The following EIF4G3 variants were observed in gnomAD, a reference collection of about 807,000 sequenced individuals.
EIF4G3 encodes eIF-4-gamma 3.
A neutral mutation model predicts 186.4 loss-of-function variants in EIF4G3; 34 were observed. That is an observed-to-expected ratio of 0.18 (90% CI 0.14 to 0.24). The LOEUF is 0.24. Ranked by LOEUF, EIF4G3 falls within the 10% of genes least tolerant of loss-of-function variation. The probability of loss-of-function intolerance (pLI) is 1.00; values close to 1 mark genes in which losing one functional copy is unlikely to be tolerated. For missense variants in EIF4G3, 1,536 were observed against 1,948.5 expected (o/e 0.79, Z 3.99); for synonymous variants, 673 against 679.5 (o/e 0.99, Z 0.15).
chr1:20,861,511 A>G (rs180704401), intron 23 of EIF4G3, among the ~76,000 whole-genome samples: 2 of 152,374 alleles, frequency 1.3e-5, no homozygotes, highest in Admixed American at 1.3e-4. Flanking sequence ...TGACTCTTCA[A>G]CAAATCTGCA....
intron 4 of EIF4G3, among the ~76,000 whole-genome samples, chr1:21,042,701 A>G (rs2093652907): frequency 6.6e-6 from 1 of 152,230 alleles, no homozygotes; most frequent in Non-Finnish European, 1.5e-5. Flanking sequence ...ATACATGTCT[A>G]CTATGGTACT....
intron 13 of EIF4G3, among the ~76,000 whole-genome samples, chr1:20,945,555 T>C (rs1339676203): frequency 6.6e-6 from 1 of 152,192 alleles, no homozygotes; most frequent in Non-Finnish European, 1.5e-5. Flanking sequence ...GACCTCCACC[T>C]CCCAGGCTCA....
rs542711618 is a variant in EIF4G3 at position 20,964,404 on chromosome 1, G to A, written c.714+5070C>T. ...TACAGGGATCCAATGTGTATATACA[G>A]GGAACATGTATATACACATATGCAT... is the stretch of plus-strand genomic sequence containing the variant. On this transcript the variant is annotated intron_variant, in intron 12 of 36. Coordinates refer to ENST00000602326, the MANE Select transcript of EIF4G3 (RefSeq NM_001391906.1). Among the ~76,000 whole-genome samples the A allele has an allele frequency of 3.9e-5, 6 of 152,212 alleles. No individual in the cohort carries two copies. The South Asian group carries it at 1.2e-3, about 32-fold the overall frequency.
At chr1:20,918,373 C>T (rs1335267516) in intron 14 of EIF4G3, among the ~76,000 whole-genome samples, 1 of 152,082 alleles carries the variant, frequency 6.6e-6, no homozygotes, top group East Asian at 1.9e-4. Context: ...GCACACTTTG[C>T]TAATTTTTGT....
At chr1:20,923,068 A>ATCT (rs1355308130) in intron 14 of EIF4G3, among the ~76,000 whole-genome samples, 1 of 152,176 alleles carries the variant, frequency 6.6e-6, no homozygotes, top group East Asian at 1.9e-4. Context: ...GCTAGAACTG[A>ATCT]AACACAGATC....
chr1:20,955,238 GT>G (rs11449027), intron 12 of EIF4G3, among the ~76,000 whole-genome samples: 5 of 148,462 alleles, frequency 3.4e-5, no homozygotes, highest in Admixed American at 6.7e-5. Context: ...TTATTTTTTA[GT>G]TTTTTTTTTT....
intron 4 of EIF4G3, among the ~76,000 whole-genome samples, chr1:21,027,351 C>T (rs944217585): frequency 2.0e-5 from 3 of 151,642 alleles, no homozygotes; most frequent in Non-Finnish European, 4.4e-5. Context: ...TGCCACCATG[C>T]TCAGCACAGT....
At chr1:20,854,453 G>C (rs1180730698) in intron 26 of EIF4G3, among the ~76,000 whole-genome samples, 1 of 151,644 alleles carries the variant, frequency 6.6e-6, no homozygotes, top group East Asian at 1.9e-4. Context: ...CCAGCACGCA[G>C]GAGGCCAAGG....
chr1:20,856,978 C>T (rs915562899), intron 25 of EIF4G3, among the ~76,000 whole-genome samples: 5 of 151,618 alleles, frequency 3.3e-5, no homozygotes, highest in Non-Finnish European at 7.4e-5. Context: ...CTGGCTAACA[C>T]GGTGAAACCC....
intron 2 of EIF4G3, among the ~76,000 whole-genome samples, chr1:21,094,565 G>A (rs2101565084): frequency 7.0e-6 from 1 of 143,042 alleles, no homozygotes; most frequent in Non-Finnish European, 1.5e-5. Context: ...GGTGGGAACT[G>A]AACAATGAGA....
rs370026594 is a variant in EIF4G3, at chr1:20,807,525, T to C, written c.4745-25A>G. 18 of 1,565,192 alleles carry C rather than the reference T, an allele frequency of 1.2e-5. No homozygotes were observed. In the African/African-American group the frequency reaches 2.3e-4, roughly 20 times the overall value. ...TCTGCAAGGAGGTGAAAATAAACTATAAGCTTTGGGACACTGTAGTTATGA... is the reference window on the plus strand; with the variant it reads ...TCTGCAAGGAGGTGAAAATAAACTACAAGCTTTGGGACACTGTAGTTATGA... On this transcript the variant is annotated intron_variant, in intron 36 of 36. Transcript: ENST00000602326.
At position 21,176,231 on chromosome 1, in the gene EIF4G3, T is replaced by TGCCGCCGCCGCC. The variant is rs34197724; in HGVS notation, c.-340_-329dup. On this transcript the variant is annotated 5_prime_UTR_variant, in exon 2 of 37. Transcript: ENST00000602326. ...TGTTCGGGTGAGGAGGGGGGACCGC[T>TGCCGCCGCCGCC]GCCGCCGCCGCCGCCGCCGCCGCCG... is the stretch of plus-strand genomic sequence containing the variant. 1.2e-3 allele frequency: 417 copies of TGCCGCCGCCGCC among 346,318 alleles called. 5 individuals carry two copies. The highest frequency in any genetic ancestry group is 3.2e-3 in the African/African-American group (139 of 43,842). The allele number at this position is 346,318 out of a possible 1,614,324, so 21.5% of individuals were successfully genotyped here.
At chr1:20,940,618 C>T (rs2095677219) in intron 14 of EIF4G3, among the ~76,000 whole-genome samples, 2 of 152,140 alleles carry the variant, frequency 1.3e-5, no homozygotes, top group South Asian at 4.1e-4. Flanking sequence ...TATCAAAAAG[C>T]CCAATTTACA....
intron 29 of EIF4G3, among the ~76,000 whole-genome samples, chr1:20,844,633 T>C (rs2070054795): frequency 4.6e-5 from 7 of 151,964 alleles, no homozygotes; most frequent in Admixed American, 4.6e-4. Flanking sequence ...GAGTTTGAGA[T>C]CAACCTGGCC....
chr1:20,845,437 C>T (rs550523038), intron 29 of EIF4G3, among the ~76,000 whole-genome samples: 9 of 152,144 alleles, frequency 5.9e-5, no homozygotes, highest in East Asian at 5.8e-4. Context: ...CCAAGGAGGG[C>T]GGATCACAAG....
At position 20,969,505 on chromosome 1, in the gene EIF4G3, C is replaced by G; in HGVS notation, c.683G>C (p.Gly228Ala). 1 of 1,613,904 alleles carries G rather than the reference C, an allele frequency of 6.2e-7. No individual in the cohort carries two copies. Among genetic ancestry groups the G allele is most frequent in the Non-Finnish European group, 8.5e-7 (1 of 1,179,872 alleles). ...AGGAGTAGGTGTGGACGTGGGTCTT[C>G]CTATGGGTGGAGTAGGATTTCTGCT... ...GGSRNPTPPI[G>A]RPTSTPTPPQ... is the part of the protein sequence containing the mutation. Residue 228 changes from glycine to alanine, a missense_variant, in exon 12 of 37, where the codon GGA becomes GCA. Around this residue, in one of 11 missense-constraint regions of EIF4G3, gnomAD observed 560 missense variants for 547.8 expected, o/e 1.02. Coordinates refer to ENST00000602326, the MANE Select transcript of EIF4G3 (RefSeq NM_001391906.1).
chr1:20,853,733 A>C, intron 26 of EIF4G3, 56 bp from the exon 27 acceptor site: 1 of 1,343,528 alleles, frequency 7.4e-7, no homozygotes, highest in Non-Finnish European at 1.1e-6. Context: ...AAATGCAAAT[A>C]ATCAGTCATC....
rs1050365561 is a variant in EIF4G3, at chr1:21,079,548, A to G, written c.-196+9590T>C. On this transcript the variant is annotated intron_variant, in intron 3 of 36. Transcript: ENST00000602326. ...AATGCTTTTTAATTAGCCAGGAGTC[A>G]TGATGTACATCTGTAGTCCTGGCTA... Among the ~76,000 whole-genome samples, 6 of 150,340 alleles carry G rather than the reference A, an allele frequency of 4.0e-5. No individual in the cohort carries two copies. The Admixed American group carries it at 4.0e-4, about 10-fold the overall frequency.
At chr1:20,846,998 A>T (rs768944670) in intron 29 of EIF4G3, among the ~76,000 whole-genome samples, 8 of 152,238 alleles carry the variant, frequency 5.3e-5, no homozygotes, top group Non-Finnish European at 1.2e-4. Flanking sequence ...TATTTTTAAG[A>T]TCAGCTCTTT....
Sources: allele counts gnomAD v4.1 joint callset (sites outside exome capture counted in the v4.1 genomes callset), GRCh38; gene constraint gnomAD v4.1.1; regional missense constraint gnomAD v4.1.1; transcripts MANE v1.5; gene names NCBI Gene and HGNC (gene_info 2026-07-23, HGNC 2026-07-21).